The following FGF2 variants were observed in gnomAD, a reference collection of about 807,000 sequenced individuals.
FGF2 encodes the protein fibroblast growth factor 2, also known as basic fibroblast growth factor bFGF.
A neutral mutation model predicts 15.9 loss-of-function variants in FGF2; 13 were observed. The ratio of observed to expected loss-of-function variants is 0.82; its 90% CI spans 0.53 to 1.30. The LOEUF (loss-of-function observed/expected upper bound fraction) is 1.30, where lower values mean the gene tolerates loss of function less well. Among genes scored for constraint, FGF2 ranks in the 50% most tolerant of loss-of-function variants. The probability of loss-of-function intolerance (pLI) is 0.00; values close to 1 mark genes in which losing one functional copy is unlikely to be tolerated. For missense variants in FGF2, 163 were observed against 196.9 expected, an observed-to-expected ratio of 0.83 and a Z score of 1.03; for synonymous variants, 90 against 78.4, an observed-to-expected ratio of 1.15 and a Z score of -0.78.
rs1265865520 is a variant in FGF2, at chr4:122,897,002, A to G, written c.*4606A>G. The G allele has an allele frequency of 1.3e-5, 2 of 152,138 alleles. No individual in the cohort carries two copies. The highest frequency in any genetic ancestry group is 2.9e-5 in the Non-Finnish European group (2 of 68,004). 9.4% of individuals were successfully genotyped at this position (152,138 alleles called of 1,614,324 possible). On this transcript the variant is annotated 3_prime_UTR_variant, in exon 3 of 3. Transcript: ENST00000644866. ...TTTCCTGTAAATCAGTGACATAAAT[A>G]ATTCTTAGCTTATTTTATATTTCCT...
In FGF2 at chr4:122,892,746, C is replaced by CAG. The variant is rs1727221552; in HGVS notation, c.*352_*353dup. On this transcript the variant is annotated 3_prime_UTR_variant, in exon 3 of 3. Coordinates refer to ENST00000644866, the MANE Select transcript of FGF2 (RefSeq NM_001361665.2). Reference sequence around the variant, plus strand: ...ATCATATACATTAGAAAATCACAGTCAGATGTTTAATCAATCCAAAATGTC... The same window carrying CAG: ...ATCATATACATTAGAAAATCACAGTCAGAGATGTTTAATCAATCCAAAATGTC... The CAG allele has an allele frequency of 4.4e-6, 6 of 1,355,886 alleles. No homozygotes were observed. The highest frequency in any genetic ancestry group is 6.0e-6 in the Non-Finnish European group (6 of 1,008,004). 84.0% of individuals were successfully genotyped at this position (1,355,886 alleles called of 1,614,324 possible). A position where few individuals can be genotyped will look rare whatever the true frequency, so the allele number is the denominator to read the frequency against.
intron 1 of FGF2, among the ~76,000 whole-genome samples, chr4:122,859,516 T>G (rs1325988948): frequency 2.0e-5 from 3 of 152,210 alleles, no homozygotes; most frequent in African/African-American, 7.2e-5. Context: ...CTTCTAGATA[T>G]TCTCATCTTT....
chr4:122,860,978 G>A (rs1726451311), intron 1 of FGF2, among the ~76,000 whole-genome samples: 1 of 152,134 alleles, frequency 6.6e-6, no homozygotes. Context: ...AGATACCTTA[G>A]TTTCCAAGTA....
At chr4:122,837,079 G>T (rs1203584979) in intron 1 of FGF2, among the ~76,000 whole-genome samples, 1 of 152,094 alleles carries the variant, frequency 6.6e-6, no homozygotes, top group Non-Finnish European at 1.5e-5. Flanking sequence ...GGGACTGTCT[G>T]GTACCATTGT....
chr4:122,837,143 T>G (rs775159918), intron 1 of FGF2, among the ~76,000 whole-genome samples: 2 of 152,178 alleles, frequency 1.3e-5, no homozygotes, highest in Non-Finnish European at 2.9e-5. Flanking sequence ...GAAAATTTAT[T>G]CAGATTTATG....
intron 2 of FGF2, among the ~76,000 whole-genome samples, chr4:122,886,357 G>A (rs1024696270): frequency 1.3e-5 from 2 of 152,100 alleles, no homozygotes; most frequent in Non-Finnish European, 2.9e-5. Flanking sequence ...TTGCTTACCT[G>A]GCTGAGGTAG....
At chr4:122,878,310 C>T (rs965461290) in intron 2 of FGF2, among the ~76,000 whole-genome samples, 2 of 151,838 alleles carry the variant, frequency 1.3e-5, no homozygotes, top group South Asian at 2.1e-4. Context: ...GAATTTTAGA[C>T]GTTGTAAAGG....
Position 122,855,899 on chromosome 4 carries a change from A to AT in FGF2, c.179-20419dup, listed in dbSNP as rs576188707. On this transcript the variant is annotated intron_variant, in intron 1 of 2. Transcript: ENST00000644866. ...GCAACCAACAGGTAGCAAAAGTGAT[A>AT]TTTGAGCTTCATCCTTCTTTTCTTC... is the stretch of plus-strand genomic sequence containing the variant. Among the ~76,000 whole-genome samples, 669 of 152,336 alleles carry AT rather than the reference A, an allele frequency of 4.4e-3. 2 individuals are homozygous for AT. The highest frequency in any genetic ancestry group is 0.015 in the African/African-American group (616 of 41,574).
chr4:122,875,907 G>C (rs1051404475), intron 1 of FGF2, among the ~76,000 whole-genome samples: 1 of 152,216 alleles, frequency 6.6e-6, no homozygotes, highest in Non-Finnish European at 1.5e-5. Flanking sequence ...TTTCAACATA[G>C]GCAGTAGCAT....
chr4:122,897,757 A>G lies in FGF2; in HGVS notation c.*5361A>G. ...TATGTAGATTTCACAAAATCCACCTATAATTGGTCAAAGTGGTTGAGAATA... is the reference window on the plus strand; with the variant it reads ...TATGTAGATTTCACAAAATCCACCTGTAATTGGTCAAAGTGGTTGAGAATA... On this transcript the variant is annotated 3_prime_UTR_variant, in exon 3 of 3. Coordinates refer to ENST00000644866, the MANE Select transcript of FGF2 (RefSeq NM_001361665.2). 2.0e-6 allele frequency: 2 copies of G among 989,560 alleles called. No individual in the cohort carries two copies. The highest frequency in any genetic ancestry group is 4.8e-5 in the East Asian group (2 of 41,792). The allele number at this position is 989,560 out of a possible 1,614,324, so 61.3% of individuals were successfully genotyped here.
At chr4:122,875,852 G>C (rs1439113802) in intron 1 of FGF2, among the ~76,000 whole-genome samples, 1 of 152,206 alleles carries the variant, frequency 6.6e-6, no homozygotes, top group Non-Finnish European at 1.5e-5. Flanking sequence ...TGAATAACTA[G>C]ATTTTGTTTC....
In FGF2 at chr4:122,892,813, C is replaced by G; in HGVS notation, c.*417C>G. 6.4e-7 allele frequency: 1 copy of G among 1,568,944 alleles called. No individual in the cohort carries two copies. The highest frequency in any genetic ancestry group is 8.7e-7 in the Non-Finnish European group (1 of 1,151,528). ...ATTCGTTAGTCTACATGTTTCTAAA[C>G]ATATAAATGTGAATTTAATCAATTC... On this transcript the variant is annotated 3_prime_UTR_variant, in exon 3 of 3. Coordinates refer to ENST00000644866, the MANE Select transcript of FGF2 (RefSeq NM_001361665.2).
chr4:122,860,962 A>G (rs998655838), intron 1 of FGF2, among the ~76,000 whole-genome samples: 6 of 152,170 alleles, frequency 3.9e-5, no homozygotes, highest in African/African-American at 1.4e-4. Flanking sequence ...GCAAATAATA[A>G]CTGTTAGATA....
intron 1 of FGF2, among the ~76,000 whole-genome samples, chr4:122,836,462 TA>T (rs1489811025): frequency 3.9e-5 from 6 of 152,212 alleles, no homozygotes; most frequent in African/African-American, 1.2e-4. Context: ...GTGTGCTATC[TA>T]AAAATTCTCT....
At chr4:122,887,449 A>G (rs189045701) in intron 2 of FGF2, among the ~76,000 whole-genome samples, 50 of 152,352 alleles carry the variant, frequency 3.3e-4, no homozygotes, top group African/African-American at 1.2e-3. Context: ...GCCACCCCCA[A>G]CAGTGAGAAA....
intron 1 of FGF2, among the ~76,000 whole-genome samples, chr4:122,869,617 T>G (rs1245271570): frequency 6.6e-6 from 1 of 152,204 alleles, no homozygotes; most frequent in African/African-American, 2.4e-5. Context: ...GGGAGTTCAT[T>G]CATGATTTGG....
intron 2 of FGF2, among the ~76,000 whole-genome samples, chr4:122,887,034 G>A (rs571803262): frequency 1.3e-5 from 2 of 152,244 alleles, no homozygotes; most frequent in Non-Finnish European, 1.5e-5. Flanking sequence ...ATTAATATGA[G>A]GCAGAGCATG....
intron 1 of FGF2, among the ~76,000 whole-genome samples, chr4:122,851,994 T>C (rs370119513): frequency 2.2e-4 from 33 of 152,358 alleles, no homozygotes; most frequent in African/African-American, 7.9e-4. Flanking sequence ...GCAGTGTGTT[T>C]AGGATAGTAC....
At chr4:122,837,046 A>T (rs1253275993) in intron 1 of FGF2, among the ~76,000 whole-genome samples, 6 of 152,204 alleles carry the variant, frequency 3.9e-5, no homozygotes, top group African/African-American at 1.4e-4. Flanking sequence ...AAAACCAGTG[A>T]ATCATTGTAA....
Sources: allele counts gnomAD v4.1 joint callset (sites outside exome capture counted in the v4.1 genomes callset), GRCh38; gene constraint gnomAD v4.1.1; transcripts MANE v1.5; gene names NCBI Gene and HGNC (gene_info 2026-07-23, HGNC 2026-07-21).